MDFIC2: variants seen among roughly 807,000 people sequenced by gnomAD.
The protein encoded by MDFIC2 is myoD family inhibitor domain-containing protein 2.
intron 2 of MDFIC2, among the ~76,000 whole-genome samples, chr3:70,280,503 C>T (rs546365089): frequency 1.3e-5 from 2 of 152,212 alleles, no homozygotes; most frequent in East Asian, 3.9e-4. Context: ...GCCCTGCTTT[C>T]TAGGGGAGCT....
intron 2 of MDFIC2, chr3:70,291,758 C>T (rs1348821412): frequency 6.6e-6 from 1 of 152,314 alleles, no homozygotes; most frequent in Non-Finnish European, 1.5e-5. Flanking sequence ...GATGATATGT[C>T]TTTTCCCCTC....
At chr3:70,260,202 C>T (rs2106660706) in intron 2 of MDFIC2, among the ~76,000 whole-genome samples, 1 of 152,200 alleles carries the variant, frequency 6.6e-6, no homozygotes, top group Non-Finnish European at 1.5e-5. Context: ...TAGTGGTTTG[C>T]CAGCAATCAC....
At chr3:70,303,530 A>T (rs1702369957) in intron 2 of MDFIC2, among the ~76,000 whole-genome samples, 2 of 152,140 alleles carry the variant, frequency 1.3e-5, no homozygotes, top group Non-Finnish European at 2.9e-5. Flanking sequence ...TCCCTTCTAG[A>T]TTGTGAGCTA....
In MDFIC2 at chr3:70,196,418, G is replaced by A. The variant is rs1419950009; in HGVS notation, c.*508C>T. ...CTGTACATATAAGTGAATTTTAAGA[G>A]ACTGTATAAATAAATTTTTAATTAC... On this transcript the variant is annotated 3_prime_UTR_variant, in exon 4 of 4. Transcript: ENST00000567252. Among the ~76,000 whole-genome samples, 4 of 152,052 alleles carry A rather than the reference G, an allele frequency of 2.6e-5. No individual in the cohort carries two copies. In the East Asian group the frequency reaches 7.7e-4, roughly 29 times the overall value.
chr3:70,260,467 C>T (rs1163711911), intron 2 of MDFIC2, among the ~76,000 whole-genome samples: 3 of 151,940 alleles, frequency 2.0e-5, no homozygotes, highest in African/African-American at 4.8e-5. Flanking sequence ...TTTTACATCC[C>T]CTCAGTTCAA....
intron 3 of MDFIC2, among the ~76,000 whole-genome samples, chr3:70,201,525 C>T (rs976728459): frequency 5.3e-5 from 8 of 152,100 alleles, no homozygotes; most frequent in Non-Finnish European, 1.2e-4. Flanking sequence ...TTACACAGGC[C>T]TCCAGATCAC....
intron 2 of MDFIC2, among the ~76,000 whole-genome samples, chr3:70,237,979 C>CTGTTTTTTTTTTTTTT (rs1701627865): frequency 4.1e-5 from 2 of 48,932 alleles, no homozygotes; most frequent in East Asian, 1.0e-3. Context: ...TGAGTGGTAT[C>CTGTTTTTTTTTTTTTT]TTTTTTTTTT....
intron 2 of MDFIC2, among the ~76,000 whole-genome samples, chr3:70,259,049 G>A (rs1701842635): frequency 6.6e-6 from 1 of 152,122 alleles, no homozygotes; most frequent in East Asian, 1.9e-4. Flanking sequence ...AGATACAGTT[G>A]ATGTGCTTAT....
chr3:70,281,537 C>A (rs900589862), intron 2 of MDFIC2, among the ~76,000 whole-genome samples: 4 of 152,068 alleles, frequency 2.6e-5, no homozygotes, highest in Admixed American at 1.3e-4. Context: ...AAAATGAGAT[C>A]ATATAAGTGT....
At chr3:70,262,233 T>G (rs1231794196) in intron 2 of MDFIC2, among the ~76,000 whole-genome samples, 1 of 152,150 alleles carries the variant, frequency 6.6e-6, no homozygotes, top group East Asian at 1.9e-4. Flanking sequence ...GCATGAATAA[T>G]TATACCAATA....
chr3:70,254,136 C>A (rs902238192), intron 2 of MDFIC2, among the ~76,000 whole-genome samples: 1 of 72,104 alleles, frequency 1.4e-5, no homozygotes, highest in Non-Finnish European at 2.7e-5. Context: ...CATAACAAAA[C>A]CCAGTTCCAA....
chr3:70,288,639 G>A (rs145171785), intron 2 of MDFIC2, among the ~76,000 whole-genome samples: 1,602 of 151,784 alleles, frequency 0.011, 12 homozygotes, highest in Middle Eastern at 0.024. Context: ...TCGTTGATCC[G>A]TCTAATGTTC....
At chr3:70,203,667 T>C (rs1421773770) in intron 3 of MDFIC2, among the ~76,000 whole-genome samples, 1 of 152,158 alleles carries the variant, frequency 6.6e-6, no homozygotes, top group Non-Finnish European at 1.5e-5. Flanking sequence ...GAAAATGTAA[T>C]CATTTTATTC....
At chr3:70,258,620 G>T (rs1701839618) in intron 2 of MDFIC2, among the ~76,000 whole-genome samples, 1 of 152,038 alleles carries the variant, frequency 6.6e-6, no homozygotes, top group Non-Finnish European at 1.5e-5. Flanking sequence ...ATATTCATAT[G>T]CTCTGACTTA....
intron 2 of MDFIC2, among the ~76,000 whole-genome samples, chr3:70,274,303 T>G (rs1351354297): frequency 6.6e-6 from 1 of 152,004 alleles, no homozygotes; most frequent in Non-Finnish European, 1.5e-5. Context: ...GCAGATAAAT[T>G]ATCACTTATG....
At chr3:70,222,190 T>A (rs1298656582) in intron 2 of MDFIC2, among the ~76,000 whole-genome samples, 2 of 152,286 alleles carry the variant, frequency 1.3e-5, no homozygotes. Context: ...TCTGAAAATC[T>A]AAGGCAGGTG....
In MDFIC2 at chr3:70,263,400, T is replaced by C. The variant is rs543150357; in HGVS notation, c.88+48486A>G. Among the ~76,000 whole-genome samples, 8 of 152,314 alleles carry C rather than the reference T, an allele frequency of 5.3e-5. No homozygotes were observed. The East Asian group carries it at 1.5e-3, about 29-fold the overall frequency. On this transcript the variant is annotated intron_variant, in intron 2 of 3. Transcript: ENST00000567252. ...TTTAGGGTAGGTCTATAGGAATAAT[T>C]ACTCTAGAGCTAATTTAGCTTTTCT...
intron 2 of MDFIC2, among the ~76,000 whole-genome samples, chr3:70,239,906 C>T (rs1267329203): frequency 2.0e-5 from 3 of 152,006 alleles, no homozygotes; most frequent in Non-Finnish European, 4.4e-5. Context: ...TTTACTCTTG[C>T]GGACAAAATA....
At chr3:70,254,264 G>C (rs1701795152) in intron 2 of MDFIC2, among the ~76,000 whole-genome samples, 1 of 152,084 alleles carries the variant, frequency 6.6e-6, no homozygotes, top group Non-Finnish European at 1.5e-5. Flanking sequence ...ATAAATTAAA[G>C]TCATATTTTA....
Sources: gnomAD v4.1 joint callset for allele counts (sites outside exome capture counted in the v4.1 genomes callset) on GRCh38, gnomAD v4.1.1 for gene constraint, MANE v1.5 for transcripts, NCBI Gene and HGNC (gene_info 2026-07-23, HGNC 2026-07-21) for gene names.